The following SRPK2 variants were observed in gnomAD, a reference collection of about 807,000 sequenced individuals.
SRPK2 encodes the protein SRSF protein kinase 2.
Under a neutral mutation model 90.8 loss-of-function variants are expected in SRPK2, and 21 were observed. The ratio of observed to expected loss-of-function variants is 0.23; its 90% CI spans 0.16 to 0.33. SRPK2 has a LOEUF of 0.33. Among genes scored for constraint, SRPK2 ranks in the 10% least tolerant of loss-of-function variants. The probability of loss-of-function intolerance (pLI) is 1.00; values close to 1 mark genes in which losing one functional copy is unlikely to be tolerated. For missense variants in SRPK2, 620 were observed against 869.0 expected (o/e 0.71, Z 3.60); for synonymous variants, 288 against 311.1 (o/e 0.93, Z 0.78).
intron 2 of SRPK2, among the ~76,000 whole-genome samples, chr7:105,322,917 A>G (rs1813105495): frequency 6.6e-6 from 1 of 152,190 alleles, no homozygotes; most frequent in South Asian, 2.1e-4. Flanking sequence ...AAAAATGTCC[A>G]GCCAGACACG....
At chr7:105,197,226 G>A (rs554490458) in intron 3 of SRPK2, among the ~76,000 whole-genome samples, 4 of 152,166 alleles carry the variant, frequency 2.6e-5, no homozygotes, top group Non-Finnish European at 5.9e-5. Flanking sequence ...ACACACATGG[G>A]TAAAGGCAAT....
intron 3 of SRPK2, among the ~76,000 whole-genome samples, chr7:105,181,836 A>G (rs1228340860): frequency 6.6e-6 from 1 of 151,352 alleles, no homozygotes; most frequent in Non-Finnish European, 1.5e-5. Context: ...GTTTACCTAC[A>G]TAACACATGT....
At chr7:105,178,108 G>C (rs1385584530) in intron 3 of SRPK2, among the ~76,000 whole-genome samples, 1 of 151,094 alleles carries the variant, frequency 6.6e-6, no homozygotes, top group East Asian at 1.9e-4. Flanking sequence ...TGAAGAAAAT[G>C]CCTGTAGGTG....
rs376881966 is a variant in SRPK2, at chr7:105,214,971, A to C, written c.72-11186T>G. 5.3e-5 allele frequency among the ~76,000 whole-genome samples: 8 copies of C among 152,216 alleles called. No homozygotes were observed. In the East Asian group the frequency reaches 7.7e-4, roughly 15 times the overall value. ...ACTACAAAGCTATAGTAATCAAGAC[A>C]ATGTCGTACTGGCATAAGGATGAAG... is the stretch of plus-strand genomic sequence containing the variant. On this transcript the variant is annotated intron_variant, in intron 2 of 15. Coordinates refer to ENST00000393651, the MANE Select transcript of SRPK2 (RefSeq NM_182692.3).
intron 13 of SRPK2, among the ~76,000 whole-genome samples, chr7:105,130,828 A>G (rs1443732138): frequency 6.6e-6 from 1 of 151,208 alleles, no homozygotes; most frequent in Non-Finnish European, 1.5e-5. Flanking sequence ...CTCCCTTATG[A>G]CAACCAACTG....
At chr7:105,173,987 G>A (rs1354059136) in intron 3 of SRPK2, among the ~76,000 whole-genome samples, 3 of 138,896 alleles carry the variant, frequency 2.2e-5, no homozygotes, top group Non-Finnish European at 4.5e-5. Context: ...GCTCACACCT[G>A]TAATCCTAGC....
intron 3 of SRPK2, among the ~76,000 whole-genome samples, chr7:105,201,053 T>C (rs972113749): frequency 3.3e-5 from 5 of 152,100 alleles, no homozygotes; most frequent in African/African-American, 1.2e-4. Context: ...AAACACCATA[T>C]TAGTAATTTT....
intron 15 of SRPK2, among the ~76,000 whole-genome samples, chr7:105,120,237 T>C (rs1800143518): frequency 2.6e-5 from 4 of 152,164 alleles, no homozygotes; most frequent in South Asian, 4.1e-4. Context: ...AAAAATACTC[T>C]CCAGGTTTGC....
intron 2 of SRPK2, among the ~76,000 whole-genome samples, chr7:105,238,267 C>T (rs1342579279): frequency 6.6e-6 from 1 of 152,188 alleles, no homozygotes; most frequent in African/African-American, 2.4e-5. Flanking sequence ...TCGTCATCAT[C>T]CTCATCATCA....
chr7:105,159,469 A>C (rs1351073511), intron 7 of SRPK2, among the ~76,000 whole-genome samples: 1 of 149,598 alleles, frequency 6.7e-6, no homozygotes, highest in Non-Finnish European at 1.5e-5. Flanking sequence ...AAAAAAAAAA[A>C]AAAACCGTAC....
intron 2 of SRPK2, among the ~76,000 whole-genome samples, chr7:105,235,495 T>C (rs536776535): frequency 6.6e-6 from 1 of 152,240 alleles, no homozygotes; most frequent in South Asian, 2.1e-4. Context: ...TGTGCATGCA[T>C]TTTAAATATG....
At chr7:105,264,341 G>T (rs1305976048) in intron 2 of SRPK2, among the ~76,000 whole-genome samples, 3 of 152,100 alleles carry the variant, frequency 2.0e-5, no homozygotes, top group African/African-American at 7.2e-5. Flanking sequence ...AATAAGAAGA[G>T]AACAATTAAA....
chr7:105,161,068 G>A (rs1191690720), intron 6 of SRPK2, among the ~76,000 whole-genome samples: 1 of 152,022 alleles, frequency 6.6e-6, no homozygotes, highest in Non-Finnish European at 1.5e-5. Flanking sequence ...TGAAACTACA[G>A]GTGCCCGCCA....
intron 3 of SRPK2, among the ~76,000 whole-genome samples, chr7:105,201,465 T>C (rs1439025754): frequency 6.6e-6 from 1 of 152,110 alleles, no homozygotes; most frequent in Non-Finnish European, 1.5e-5. Context: ...ATGTCCACTG[T>C]GCTGGTTCCC....
chr7:105,331,585 T>C (rs955979123), intron 2 of SRPK2, among the ~76,000 whole-genome samples: 6 of 152,110 alleles, frequency 3.9e-5, no homozygotes, highest in Admixed American at 2.6e-4. Flanking sequence ...GTTCACTCCT[T>C]CAATAACTAC....
chr7:105,218,167 A>G (rs1418645011), intron 2 of SRPK2, among the ~76,000 whole-genome samples: 1 of 152,260 alleles, frequency 6.6e-6, no homozygotes. Flanking sequence ...GAATATTGGC[A>G]GAAGTGCTAG....
At chr7:105,129,142 C>T (rs527351692) in intron 13 of SRPK2, among the ~76,000 whole-genome samples, 2 of 151,970 alleles carry the variant, frequency 1.3e-5, no homozygotes, top group East Asian at 1.9e-4. Context: ...TTTGTAGAGA[C>T]GGGATTTCAC....
chr7:105,141,287 T>C (rs979408585), intron 11 of SRPK2, among the ~76,000 whole-genome samples: 1 of 152,200 alleles, frequency 6.6e-6, no homozygotes, highest in African/African-American at 2.4e-5. Context: ...CGCTGTGTGT[T>C]AAACAGTCTT....
At chr7:105,177,271 T>A (rs940082404) in intron 3 of SRPK2, among the ~76,000 whole-genome samples, 2 of 152,172 alleles carry the variant, frequency 1.3e-5, no homozygotes, top group African/African-American at 4.8e-5. Context: ...ATGTATGCAC[T>A]AACCACCACT....
Sources: gnomAD v4.1 joint callset for allele counts (sites outside exome capture counted in the v4.1 genomes callset) on GRCh38, gnomAD v4.1.1 for gene constraint, MANE v1.5 for transcripts, NCBI Gene and HGNC (gene_info 2026-07-23, HGNC 2026-07-21) for gene names.